The following MAGI1 variants were observed in gnomAD, a reference collection of about 807,000 sequenced individuals.
MAGI1 encodes membrane-associated guanylate kinase, WW and PDZ domain-containing protein 1.
MAGI1 carries 58 observed loss-of-function variants against 139.9 expected under a neutral mutation model. The ratio of observed to expected loss-of-function variants is 0.41; its 90% confidence interval spans 0.34 to 0.52. The LOEUF (loss-of-function observed/expected upper bound fraction) is 0.52. MAGI1 is among the 20% of genes least tolerant of loss of function. MAGI1 has a pLI of 0.12. For missense variants in MAGI1, 1,874 were observed against 1,901.6 expected, an observed-to-expected ratio of 0.99 and a Z score of 0.27; for synonymous variants, 812 against 737.9, an observed-to-expected ratio of 1.10 and a Z score of -1.63.
chr3:65,734,907 G>T (rs1314556321), intron 1 of MAGI1, among the ~76,000 whole-genome samples: 1 of 144,388 alleles, frequency 6.9e-6, no homozygotes, highest in Non-Finnish European at 1.5e-5. Flanking sequence ...GGGAGGAAGA[G>T]AGCGGAGGGG....
At chr3:65,794,227 GA>G (rs1221137609) in intron 1 of MAGI1, among the ~76,000 whole-genome samples, 1 of 152,164 alleles carries the variant, frequency 6.6e-6, no homozygotes, top group Non-Finnish European at 1.5e-5. Context: ...GTGCTCTGTG[GA>G]AAGAGGCTAA....
At chr3:65,405,847 C>T (rs929037671) in intron 12 of MAGI1, among the ~76,000 whole-genome samples, 3 of 134,918 alleles carry the variant, frequency 2.2e-5, no homozygotes, top group Non-Finnish European at 5.0e-5. Flanking sequence ...CCCACCTCAG[C>T]CTCCCAACGT....
intron 1 of MAGI1, among the ~76,000 whole-genome samples, chr3:65,728,829 C>T (rs1363690506): frequency 6.6e-6 from 1 of 151,988 alleles, no homozygotes; most frequent in Admixed American, 6.6e-5. Flanking sequence ...AAGCACTATT[C>T]CTCTAGTAGA....
In MAGI1 at chr3:65,493,519, G is replaced by A. The variant is rs564130566; in HGVS notation, c.543C>T (p.Thr181=). 1.2e-6 allele frequency: 2 copies of A among 1,614,118 alleles called. No individual in the cohort carries two copies. The highest frequency in any genetic ancestry group is 1.3e-5 in the African/African-American group (1 of 75,020). The change falls in exon 3 of 23, where the codon ACC becomes ACT. Residue 181 remains threonine (T), a synonymous_variant. Coordinates refer to ENST00000402939, the MANE Select transcript of MAGI1 (RefSeq NM_001033057.2). ...GTCGTACAAGTAACTCACCTTCATAGGTGCCGACTTCCAGAAGAGTCCCAC... is the reference window on the plus strand; with the variant it reads ...GTCGTACAAGTAACTCACCTTCATAAGTGCCGACTTCCAGAAGAGTCCCAC... ...EQSGTLLEVG[T]YEGNYYGTPK...
intron 1 of MAGI1, among the ~76,000 whole-genome samples, chr3:65,662,419 C>A (rs2086251532): frequency 6.6e-6 from 1 of 152,202 alleles, no homozygotes; most frequent in Admixed American, 6.5e-5. Flanking sequence ...TTGATTCTGC[C>A]ACTTTGTGTG....
chr3:65,506,601 A>C (rs186180003), intron 2 of MAGI1, among the ~76,000 whole-genome samples: 23 of 152,326 alleles, frequency 1.5e-4, no homozygotes, highest in African/African-American at 5.3e-4. Context: ...AAGAAATCAC[A>C]AAGTCAACAC....
intron 1 of MAGI1, among the ~76,000 whole-genome samples, chr3:65,867,777 T>C (rs1481985819): frequency 6.6e-6 from 1 of 152,008 alleles, no homozygotes; most frequent in Non-Finnish European, 1.5e-5. Context: ...AGTGGGGGTA[T>C]GAGTGGGCTG....
chr3:65,600,391 C>T (rs1452140148), intron 2 of MAGI1, among the ~76,000 whole-genome samples: 1 of 152,162 alleles, frequency 6.6e-6, no homozygotes, highest in Non-Finnish European at 1.5e-5. Flanking sequence ...TCAATCAGAG[C>T]TCCAAAGACC....
intron 2 of MAGI1, among the ~76,000 whole-genome samples, chr3:65,617,481 A>T (rs1417519613): frequency 2.0e-5 from 3 of 152,198 alleles, no homozygotes; most frequent in Non-Finnish European, 2.9e-5. Flanking sequence ...ATGTTGTCAC[A>T]TCAGCTAGGA....
chr3:65,974,071 G>A (rs1646096935), intron 1 of MAGI1, among the ~76,000 whole-genome samples: 1 of 151,846 alleles, frequency 6.6e-6, no homozygotes, highest in Non-Finnish European at 1.5e-5. Context: ...AAAAAGGAAA[G>A]GTACAGAAAA....
At chr3:65,669,300 C>T (rs2086711520) in intron 1 of MAGI1, among the ~76,000 whole-genome samples, 1 of 152,166 alleles carries the variant, frequency 6.6e-6, no homozygotes. Flanking sequence ...AAAGTTGACT[C>T]ATGATTTCCC....
At chr3:65,999,093 G>A (rs1174962121) in intron 1 of MAGI1, among the ~76,000 whole-genome samples, 1 of 151,962 alleles carries the variant, frequency 6.6e-6, no homozygotes, top group Admixed American at 6.6e-5. Context: ...GAAGTTCCGG[G>A]GTACATGTGC....
At chr3:65,884,051 ACTTAT>A (rs2060438811) in intron 1 of MAGI1, among the ~76,000 whole-genome samples, 1 of 152,238 alleles carries the variant, frequency 6.6e-6, no homozygotes, top group South Asian at 2.1e-4. Flanking sequence ...GACAGAATAC[ACTTAT>A]CTTAAAGGGA....
intron 1 of MAGI1, among the ~76,000 whole-genome samples, chr3:65,903,773 C>T (rs562202545): frequency 1.1e-4 from 16 of 152,120 alleles, no homozygotes; most frequent in Middle Eastern, 6.8e-3. Flanking sequence ...TTTGGGAGGC[C>T]GAGGTGGGAG....
chr3:65,917,088 C>A (rs2061944177), intron 1 of MAGI1, among the ~76,000 whole-genome samples: 1 of 152,176 alleles, frequency 6.6e-6, no homozygotes, highest in Non-Finnish European at 1.5e-5. Flanking sequence ...GACATTTCCA[C>A]CTTCTTACAC....
At chr3:65,978,364 G>A (rs1487079559) in intron 1 of MAGI1, among the ~76,000 whole-genome samples, 2 of 152,238 alleles carry the variant, frequency 1.3e-5, no homozygotes, top group South Asian at 4.1e-4. Flanking sequence ...AGGAAATTCT[G>A]CCTCCTTCCC....
intron 1 of MAGI1, among the ~76,000 whole-genome samples, chr3:65,940,560 G>C (rs896768475): frequency 4.6e-5 from 7 of 152,096 alleles, no homozygotes; most frequent in Admixed American, 4.6e-4. Context: ...ACCTCCCAAA[G>C]GTTCCAACAG....
intron 18 of MAGI1, among the ~76,000 whole-genome samples, chr3:65,368,913 C>T (rs1371317906): frequency 6.6e-6 from 1 of 152,120 alleles, no homozygotes; most frequent in Non-Finnish European, 1.5e-5. Flanking sequence ...CTGATGGTTC[C>T]ATGTTACCTG....
chr3:65,401,372 T>TCCCCCCCCCCCCCCC, intron 13 of MAGI1, 67 bp downstream of exon 13: 1 of 778,312 alleles, frequency 1.3e-6, no homozygotes, highest in Non-Finnish European at 2.1e-6. Context: ...CAGAGTACCC[T>TCCCCCCCCCCCCCCC]CCCACCTCCA....
Sources: allele counts gnomAD v4.1 joint callset (sites outside exome capture counted in the v4.1 genomes callset), GRCh38; gene constraint gnomAD v4.1.1; transcripts MANE v1.5; gene names NCBI Gene and HGNC (gene_info 2026-07-23, HGNC 2026-07-21).